Variants in ZSCAN5B observed in about 807,000 individuals in gnomAD.
ZSCAN5B encodes zinc finger and SCAN domain containing 5B.
In ZSCAN5B, 26 loss-of-function variants were observed where a neutral mutation model predicts 25.2. That is an observed-to-expected ratio of 1.03 (90% CI 0.76 to 1.43). ZSCAN5B has a LOEUF of 1.43. Ranked by LOEUF, ZSCAN5B falls within the 40% of genes most tolerant of loss-of-function variation. The pLI, the probability that ZSCAN5B is intolerant of heterozygous loss-of-function variation, is 0.00. For synonymous variants in ZSCAN5B, 244 were observed against 240.9 expected (o/e 1.01, Z -0.12); for missense variants, 745 against 622.1 (o/e 1.20, Z -2.10).
At chr19:56,189,887 G>A (rs752006186) in exon 5 of ZSCAN5B, 56 of 1,613,872 alleles carry the variant, frequency 3.5e-5, no homozygotes, top group Non-Finnish European at 4.7e-5. Flanking sequence ...CCAGCTGACG[G>A]AAGGCCTTTT....
chr19:56,197,729 C>T lies in ZSCAN5B; in HGVS notation c.-128+5G>A. On this transcript the variant is annotated splice_donor_5th_base_variant and intron_variant, in intron 1 of 4. Transcript: ENST00000586855. Reference sequence around the variant, plus strand: ...ACCCCACAGCCATCGCCGCTGGACACTCACCTCCTTCCCGGCTTCTGCCTC... The same window carrying T: ...ACCCCACAGCCATCGCCGCTGGACATTCACCTCCTTCCCGGCTTCTGCCTC... 2 of 985,366 alleles carry T rather than the reference C, an allele frequency of 2.0e-6. No individual in the cohort carries two copies. The highest frequency in any genetic ancestry group is 2.4e-6 in the Non-Finnish European group (2 of 829,896). The allele number at this position is 985,366 out of a possible 1,614,324, so 61.0% of individuals were successfully genotyped here. A position where few individuals can be genotyped will look rare whatever the true frequency, so the allele number is the denominator to read the frequency against.
exon 5 of ZSCAN5B, chr19:56,190,206 A>G (rs1214198682): frequency 1.2e-6 from 2 of 1,613,968 alleles, no homozygotes; most frequent in Non-Finnish European, 1.7e-6. Context: ...GTGGATGCTT[A>G]GCTGGGAAAA....
exon 3 of ZSCAN5B, chr19:56,191,895 T>C: frequency 6.2e-7 from 1 of 1,613,990 alleles, no homozygotes; most frequent in Non-Finnish European, 8.5e-7. Context: ...TCTGCTGCTC[T>C]CGGCGGGCCT....
intron 2 of ZSCAN5B, 140 bp downstream of exon 2, chr19:56,192,529 G>T (rs1196985544): frequency 1.4e-6 from 2 of 1,411,646 alleles, no homozygotes; most frequent in African/African-American, 2.9e-5. Flanking sequence ...ACAGTGTGTG[G>T]GTTCCTGTAT....
chr19:56,192,973 G>A (rs776907331), exon 2 of ZSCAN5B: 11 of 1,609,774 alleles, frequency 6.8e-6, no homozygotes, highest in Middle Eastern at 1.7e-4. Flanking sequence ...TTCTGGGGAC[G>A]CCACAGACCG....
intron 1 of ZSCAN5B, among the ~76,000 whole-genome samples, chr19:56,195,080 C>T (rs10403925): frequency 0.011 from 1,653 of 152,218 alleles, 27 homozygotes; most frequent in African/African-American, 0.037. Context: ...GGAGAAAAAA[C>T]TGGCAGGAGG....
At chr19:56,189,935 G>A in exon 5 of ZSCAN5B, 1 of 1,614,000 alleles carries the variant, frequency 6.2e-7, no homozygotes, top group Non-Finnish European at 8.5e-7. Flanking sequence ...CTCCGGAGTG[G>A]GTGCGCTGGT....
intron 3 of ZSCAN5B, 113 bp from the exon 4 acceptor site, chr19:56,191,100 C>A (rs555407376): frequency 1.1e-5 from 16 of 1,436,824 alleles, no homozygotes; most frequent in Admixed American, 2.2e-5. Context: ...CACCCCATCA[C>A]CCCAAGTAAA....
chr19:56,191,114 C>G (rs2032726552), intron 3 of ZSCAN5B, 127 bp from the exon 4 acceptor site: 1 of 1,273,424 alleles, frequency 7.9e-7, no homozygotes, highest in Admixed American at 2.4e-5. Flanking sequence ...AAGTAAACAT[C>G]ACCACCTCAT....
rs16987048 is a variant in ZSCAN5B, at chr19:56,190,081, T to G, written c.1234A>C (p.Met412Leu). 3.5e-3 allele frequency: 5,644 copies of G among 1,613,980 alleles called. 158 individuals are homozygous for G. In the African/African-American group the frequency reaches 0.064, roughly 18 times the overall value. The stretch of plus-strand genomic sequence containing the variant: ...AACCGCTTTTGGCAGACGTCACACA[T>G]GTAGGGCCTCTCGCCAGTGTGGACT... The change falls in exon 5 of 5, where the codon ATG (methionine) becomes CTG (leucine). Residue 412 changes from methionine to leucine, a missense_variant. Met to Leu is a conservative substitution (Grantham distance 15). Transcript: ENST00000586855.
Position 56,197,720 on chromosome 19 carries a change from C to T in ZSCAN5B, c.-128+14G>A, listed in dbSNP as rs2032828352. The T allele has an allele frequency of 2.0e-6, 2 of 985,162 alleles. No individual in the cohort carries two copies. The highest frequency in any genetic ancestry group is 1.7e-5 in the African/African-American group (1 of 57,318). The allele number at this position is 985,162 out of a possible 1,614,324, so 61.0% of individuals were successfully genotyped here. On this transcript the variant is annotated intron_variant, in intron 1 of 4. Transcript: ENST00000586855. ...AGCTCCGAAACCCCACAGCCATCGC[C>T]GCTGGACACTCACCTCCTTCCCGGC...
chr19:56,192,579 T>G, intron 2 of ZSCAN5B, 90 bp downstream of exon 2: 3 of 1,525,242 alleles, frequency 2.0e-6, no homozygotes, highest in Non-Finnish European at 2.6e-6. Context: ...GTATTTGCAA[T>G]ATTAGCTGTG....
At chr19:56,190,890 C>T (rs1354431723) in exon 4 of ZSCAN5B, 21 of 1,614,036 alleles carry the variant, frequency 1.3e-5, no homozygotes, top group Non-Finnish European at 1.3e-5. Flanking sequence ...GTTCTCTTCC[C>T]TGTTTTCCTT....
chr19:56,190,930 T>C, exon 4 of ZSCAN5B: 1 of 1,614,146 alleles, frequency 6.2e-7, no homozygotes, highest in Non-Finnish European at 8.5e-7. Context: ...TGCTTGGGTC[T>C]CGGAGAGTTT....
exon 5 of ZSCAN5B, chr19:56,189,812 G>A (rs1449194768): frequency 7.5e-6 from 12 of 1,596,334 alleles, no homozygotes; most frequent in Non-Finnish European, 9.4e-6. Flanking sequence ...GGAGGATGTG[G>A]ACCTGACTCT....
intron 1 of ZSCAN5B, 116 bp from the exon 2 acceptor site, chr19:56,193,295 C>A: frequency 2.1e-6 from 1 of 473,796 alleles, no homozygotes; most frequent in Non-Finnish European, 3.7e-6. Flanking sequence ...CGGACTCAGC[C>A]CTGTGGAAAT....
chr19:56,196,304 G>A (rs895633846), intron 1 of ZSCAN5B, among the ~76,000 whole-genome samples: 4 of 151,818 alleles, frequency 2.6e-5, no homozygotes, highest in Non-Finnish European at 4.4e-5. Flanking sequence ...CCTATGCCTC[G>A]GCCTCCCAGA....
Position 56,192,669 on chromosome 19 carries a change from C to T in ZSCAN5B, c.384G>A (p.Trp128Ter), listed in dbSNP as rs1332681055. Reference sequence around the variant, plus strand: ...CACCAATCACGAGGTTCCCACTCACCCATTTCTTGGGTCTTCTGTTATTTC... The same window carrying T: ...CACCAATCACGAGGTTCCCACTCACTCATTTCTTGGGTCTTCTGTTATTTC... Residue 128 changes from tryptophan to a stop codon, truncating the protein, a stop_gained and splice_region_variant, in exon 2 of 5, where the codon TGG becomes TGA. Coordinates refer to ENST00000586855, the Ensembl canonical transcript of ZSCAN5B. LOFTEE classifies it high-confidence loss of function. 1.3e-6 allele frequency: 2 copies of T among 1,592,348 alleles called. No individual in the cohort carries two copies. Among genetic ancestry groups the T allele is most frequent in the Non-Finnish European group, 1.7e-6 (2 of 1,167,206 alleles).
chr19:56,192,982 C>A, exon 2 of ZSCAN5B: 1 of 1,607,734 alleles, frequency 6.2e-7, no homozygotes, highest in Non-Finnish European at 8.5e-7. Flanking sequence ...CGCCACAGAC[C>A]GTGGAGTGTC....
Sources: gnomAD v4.1 joint callset for allele counts (sites outside exome capture counted in the v4.1 genomes callset) on GRCh38, gnomAD v4.1.1 for gene constraint, MANE v1.5 for transcripts, NCBI Gene and HGNC (gene_info 2026-07-23, HGNC 2026-07-21) for gene names.